DCUN1D3: variants seen among roughly 807,000 people sequenced by gnomAD.
DCUN1D3 encodes DCN1-like protein 3.
A neutral mutation model predicts 24.8 loss-of-function variants in DCUN1D3; 6 were observed. The observed-to-expected ratio is 0.24, with a 90% CI of 0.13 to 0.48. The LOEUF (loss-of-function observed/expected upper bound fraction) is 0.48, where lower values mean the gene tolerates loss of function less well. Ranked by LOEUF, DCUN1D3 falls within the 20% of genes least tolerant of loss-of-function variation. The pLI is 0.99. For synonymous variants in DCUN1D3, 120 were observed against 144.9 expected (o/e 0.83, Z 1.24); for missense variants, 258 against 379.4 (o/e 0.68, Z 2.66).
rs1249660550 is a variant in DCUN1D3, at chr16:20,857,835, A to C, written c.*2051T>G. On this transcript the variant is annotated 3_prime_UTR_variant, in exon 3 of 3. Transcript: ENST00000324344. ...TCAGGTTTAGGATTTAAAAAAAAAA[A>C]CAAATTCCAAGTATGTTCCCTATGG... The C allele has an allele frequency of 1.3e-5, 2 of 151,950 alleles. No homozygotes were observed. The highest frequency in any genetic ancestry group is 2.9e-5 in the Non-Finnish European group (2 of 67,994). 9.4% of individuals were successfully genotyped at this position (151,950 alleles called of 1,614,324 possible). A position where few individuals can be genotyped will look rare whatever the true frequency, so the allele number is the denominator to read the frequency against.
chr16:20,862,678 G>A (rs2081739827), intron 1 of DCUN1D3, 35 bp from the exon 2 acceptor site: 2 of 1,496,996 alleles, frequency 1.3e-6, no homozygotes, highest in Non-Finnish European at 1.8e-6. Context: ...ACCTCTGGGT[G>A]GGGGAAATGG....
At chr16:20,878,966 G>A (rs1353124655) in intron 1 of DCUN1D3, among the ~76,000 whole-genome samples, 1 of 152,154 alleles carries the variant, frequency 6.6e-6, no homozygotes, top group African/African-American at 2.4e-5. Flanking sequence ...CCGCTGGCTG[G>A]CAGACCCACA....
intron 1 of DCUN1D3, among the ~76,000 whole-genome samples, chr16:20,884,927 T>TA (rs1290641354): frequency 6.7e-6 from 1 of 150,086 alleles, no homozygotes; most frequent in African/African-American, 2.5e-5. Flanking sequence ...AATAAATAAA[T>TA]AAAATAAATT....
intron 1 of DCUN1D3, among the ~76,000 whole-genome samples, chr16:20,881,500 T>C (rs2081843373): frequency 6.6e-6 from 1 of 152,238 alleles, no homozygotes; most frequent in Non-Finnish European, 1.5e-5. Context: ...TTTTTAATTG[T>C]TGCTTATAAC....
At position 20,859,805 on chromosome 16, in the gene DCUN1D3, G is replaced by A. The variant is rs201245960; in HGVS notation, c.*81C>T. On this transcript the variant is annotated 3_prime_UTR_variant, in exon 3 of 3. Coordinates refer to ENST00000324344, the MANE Select transcript of DCUN1D3 (RefSeq NM_173475.4). ...AAAGTAGAAAATATCCGGATCTTCAGTAATTTCCAAAATGGTCCAATTCCT... is the reference window on the plus strand; with the variant it reads ...AAAGTAGAAAATATCCGGATCTTCAATAATTTCCAAAATGGTCCAATTCCT... The A allele has an allele frequency of 7.3e-6, 11 of 1,499,878 alleles. No individual in the cohort carries two copies. The East Asian group carries it at 2.5e-4, about 34-fold the overall frequency. 92.9% of individuals were successfully genotyped at this position (1,499,878 alleles called of 1,614,324 possible).
rs1274836658 is a variant in DCUN1D3 at position 20,858,519 on chromosome 16, T to C, written c.*1367A>G. ...AAACAAAGGAATATAGATACATATA[T>C]GTGTATATATATATATTTTATATAG... On this transcript the variant is annotated 3_prime_UTR_variant, in exon 3 of 3. Coordinates refer to ENST00000324344, the MANE Select transcript of DCUN1D3 (RefSeq NM_173475.4). The C allele has an allele frequency of 1.4e-5, 2 of 147,412 alleles. No individual in the cohort carries two copies. Among genetic ancestry groups the C allele is most frequent in the Non-Finnish European group, 3.0e-5 (2 of 66,958 alleles). 9.1% of individuals were successfully genotyped at this position (147,412 alleles called of 1,614,324 possible).
At chr16:20,898,611 A>G (rs2081931786) in intron 1 of DCUN1D3, among the ~76,000 whole-genome samples, 1 of 152,244 alleles carries the variant, frequency 6.6e-6, no homozygotes, top group East Asian at 1.9e-4. Flanking sequence ...GGTATAATCA[A>G]GCATTAAATA....
Position 20,856,692 on chromosome 16 carries a change from A to AG in DCUN1D3, c.*3193dup, listed in dbSNP as rs1423663427. 1 of 152,156 alleles carries AG rather than the reference A, an allele frequency of 6.6e-6. No homozygotes were observed. Among genetic ancestry groups the AG allele is most frequent in the Non-Finnish European group, 1.5e-5 (1 of 68,036 alleles). The allele number at this position is 152,156 out of a possible 1,614,324, so 9.4% of individuals were successfully genotyped here. ...GAAGCATAGCAAAGCCCCTTACAGG[A>AG]GGTGGGGTTAAGAACGATACATTGA... is the stretch of plus-strand genomic sequence containing the variant. On this transcript the variant is annotated 3_prime_UTR_variant, in exon 3 of 3. Transcript: ENST00000324344.
intron 1 of DCUN1D3, among the ~76,000 whole-genome samples, chr16:20,879,697 T>A (rs1479575613): frequency 1.3e-5 from 2 of 152,202 alleles, no homozygotes; most frequent in Non-Finnish European, 2.9e-5. Context: ...TCTTCAGGCA[T>A]AGATGGATAC....
At chr16:20,886,474 G>A (rs2081868651) in intron 1 of DCUN1D3, among the ~76,000 whole-genome samples, 1 of 152,156 alleles carries the variant, frequency 6.6e-6, no homozygotes, top group Non-Finnish European at 1.5e-5. Context: ...CCTGCACTAG[G>A]CTCCAAGAGA....
chr16:20,865,702 C>T (rs984449648), intron 1 of DCUN1D3, among the ~76,000 whole-genome samples: 4 of 152,190 alleles, frequency 2.6e-5, no homozygotes, highest in Non-Finnish European at 4.4e-5. Context: ...CTTTGAAAAC[C>T]GGCAGTGGGA....
chr16:20,882,236 C>T lies in DCUN1D3; in HGVS notation c.-106+17968G>A, dbSNP rs903694519. Among the ~76,000 whole-genome samples the T allele has an allele frequency of 6.1e-5, 9 of 148,700 alleles. No homozygotes were observed. The East Asian group carries it at 1.8e-3, about 30-fold the overall frequency. ...GAGCCTCTCTGCCCCTGAGCACCTT[C>T]ATTTATAACATTGCTATTTTTTTTT... On this transcript the variant is annotated intron_variant, in intron 1 of 2. Coordinates refer to ENST00000324344, the MANE Select transcript of DCUN1D3 (RefSeq NM_173475.4).
At chr16:20,867,156 G>C (rs2081766326) in intron 1 of DCUN1D3, among the ~76,000 whole-genome samples, 1 of 152,192 alleles carries the variant, frequency 6.6e-6, no homozygotes, top group African/African-American at 2.4e-5. Context: ...GCTGAGGAAA[G>C]TAAATTACCC....
chr16:20,886,757 C>A (rs977229052), intron 1 of DCUN1D3, among the ~76,000 whole-genome samples: 1 of 152,228 alleles, frequency 6.6e-6, no homozygotes, highest in Non-Finnish European at 1.5e-5. Flanking sequence ...AGGACTGATA[C>A]ACTCTTTGTT....
chr16:20,863,157 A>C (rs940728254), intron 1 of DCUN1D3, among the ~76,000 whole-genome samples: 4 of 152,222 alleles, frequency 2.6e-5, no homozygotes, highest in Non-Finnish European at 4.4e-5. Context: ...GACTACAAGC[A>C]GGGGCCTAAG....
intron 1 of DCUN1D3, among the ~76,000 whole-genome samples, chr16:20,889,852 CCAAGCA>C (rs1365365560): frequency 2.0e-5 from 3 of 152,128 alleles, no homozygotes; most frequent in Admixed American, 6.5e-5. Context: ...ACCAGAAAGA[CCAAGCA>C]CATGATTAGA....
intron 1 of DCUN1D3, among the ~76,000 whole-genome samples, chr16:20,886,266 C>T (rs2152518464): frequency 6.6e-6 from 1 of 152,268 alleles, no homozygotes; most frequent in African/African-American, 2.4e-5. Flanking sequence ...CAGTGGCCAT[C>T]ACCACAAAGA....
chr16:20,900,050 A>G (rs1489315320), intron 1 of DCUN1D3, 154 bp downstream of exon 1: 2 of 152,136 alleles, frequency 1.3e-5, no homozygotes, highest in African/African-American at 4.8e-5. Context: ...GGCTCCCCTC[A>G]CAGCCTCTTC....
At chr16:20,873,101 A>C (rs2081797243) in intron 1 of DCUN1D3, among the ~76,000 whole-genome samples, 1 of 151,578 alleles carries the variant, frequency 6.6e-6, no homozygotes, top group Admixed American at 6.6e-5. Flanking sequence ...AGCCTGGGCT[A>C]CAGAGCGAGA....
Sources: allele counts gnomAD v4.1 joint callset (sites outside exome capture counted in the v4.1 genomes callset), GRCh38; gene constraint gnomAD v4.1.1; transcripts MANE v1.5; gene names NCBI Gene and HGNC (gene_info 2026-07-23, HGNC 2026-07-21).